The following EYA4 variants were observed in gnomAD, a reference collection of about 807,000 sequenced individuals.
The protein encoded by EYA4 is protein phosphatase EYA4.
A neutral mutation model predicts 87.9 loss-of-function variants in EYA4; 31 were observed. The observed-to-expected ratio is 0.35, with a 90% CI of 0.27 to 0.48. The LOEUF (loss-of-function observed/expected upper bound fraction) is 0.48, where lower values mean the gene tolerates loss of function less well. EYA4 is among the 20% of genes least tolerant of loss of function. The pLI is 0.99. For missense variants in EYA4, 678 were observed against 761.4 expected (o/e 0.89, Z 1.29); for synonymous variants, 263 against 270.6 (o/e 0.97, Z 0.28).
At chr6:133,504,143 C>G (rs539614774) in intron 13 of EYA4, among the ~76,000 whole-genome samples, 63 of 152,300 alleles carry the variant, frequency 4.1e-4, no homozygotes, top group Non-Finnish European at 8.1e-4. Flanking sequence ...GTCTCGAACT[C>G]CTGACCTCAA....
intron 2 of EYA4, among the ~76,000 whole-genome samples, chr6:133,287,939 G>A (rs1043648635): frequency 7.9e-5 from 12 of 152,056 alleles, no homozygotes; most frequent in African/African-American, 2.7e-4. Context: ...GACCAGCCTG[G>A]CCAACATGGT....
chr6:133,462,336 C>G lies in EYA4; in HGVS notation c.439C>G (p.Pro147Ala). ...QYSPQLYPSK[P>A]YPHILSTPAA... Reference sequence around the variant, plus strand: ...TAATGCTATTTTTCTGATATTTAGGCCCTATCCACACATTCTTTCTACACC... The same window carrying G: ...TAATGCTATTTTTCTGATATTTAGGGCCTATCCACACATTCTTTCTACACC... Residue 147 changes from proline (P) to alanine (A), a missense_variant and splice_region_variant, in exon 8 of 20, where the codon CCC (proline) becomes GCC (alanine). By Grantham distance (27) the Pro-to-Ala change is conservative. Transcript: ENST00000355286. 1 of 1,613,902 alleles carries G rather than the reference C, an allele frequency of 6.2e-7. No individual in the cohort carries two copies. Among genetic ancestry groups the G allele is most frequent in the Non-Finnish European group, 8.5e-7 (1 of 1,179,846 alleles).
chr6:133,382,682 A>G (rs1786327338), intron 3 of EYA4, among the ~76,000 whole-genome samples: 1 of 152,156 alleles, frequency 6.6e-6, no homozygotes. Context: ...AATACGTGAA[A>G]AAAAATCCCT....
At chr6:133,453,536 A>G (rs543719234) in intron 5 of EYA4, 2 of 152,186 alleles carry the variant, frequency 1.3e-5, no homozygotes, top group African/African-American at 4.8e-5. Context: ...CTGAAAAAAT[A>G]GTTGTTTATT....
chr6:133,450,538 C>T lies in EYA4; in HGVS notation c.277+2359C>T, dbSNP rs540476332. On this transcript the variant is annotated intron_variant, in intron 5 of 19. Coordinates refer to ENST00000355286, the MANE Select transcript of EYA4 (RefSeq NM_004100.5). ...TATTTATTTAAGATGGAGTCTCACT[C>T]TGTCTACCAGGCTGGAGTGCAGTGG... Among the ~76,000 whole-genome samples, 6 of 152,312 alleles carry T rather than the reference C, an allele frequency of 3.9e-5. No individual in the cohort carries two copies. In the South Asian group the frequency reaches 1.2e-3, roughly 32 times the overall value.
rs116724776 is a variant in EYA4 at position 133,367,128 on chromosome 6, T to C, written c.34-15264T>C. On this transcript the variant is annotated intron_variant, in intron 2 of 19. Coordinates refer to ENST00000355286, the MANE Select transcript of EYA4 (RefSeq NM_004100.5). ...TAGACAAGTAGTCTTACTAAACTGC[T>C]CACCAAGTGCCCCCATAACCTGGAT... is the stretch of plus-strand genomic sequence containing the variant. Among the ~76,000 whole-genome samples, 413 of 152,302 alleles carry C rather than the reference T, an allele frequency of 2.7e-3. 1 individual carries two copies. Among genetic ancestry groups the C allele is most frequent in the African/African-American group, 9.6e-3 (397 of 41,564 alleles).
At chr6:133,300,929 A>T (rs73776021) in intron 2 of EYA4, among the ~76,000 whole-genome samples, 4 of 152,138 alleles carry the variant, frequency 2.6e-5, no homozygotes, top group Admixed American at 2.6e-4. Flanking sequence ...ACTGTATTCT[A>T]TGTGTCCAGT....
At chr6:133,395,509 C>A (rs748494281) in intron 3 of EYA4, among the ~76,000 whole-genome samples, 3 of 152,148 alleles carry the variant, frequency 2.0e-5, no homozygotes, top group Non-Finnish European at 4.4e-5. Flanking sequence ...CCTGTAATCC[C>A]AGCACTTTGG....
chr6:133,402,558 CA>C (rs879310671), intron 3 of EYA4, among the ~76,000 whole-genome samples: 9 of 152,144 alleles, frequency 5.9e-5, no homozygotes, highest in African/African-American at 2.2e-4. Context: ...GTTACCAACA[CA>C]AATGTTGAAA....
intron 3 of EYA4, among the ~76,000 whole-genome samples, chr6:133,402,419 G>T (rs1221695430): frequency 4.6e-5 from 7 of 152,104 alleles, no homozygotes; most frequent in Admixed American, 2.6e-4. Flanking sequence ...TCTAAATACA[G>T]CACTTACCCT....
chr6:133,524,076 G>C (rs935153506), intron 18 of EYA4, among the ~76,000 whole-genome samples: 1 of 152,142 alleles, frequency 6.6e-6, no homozygotes, highest in African/African-American at 2.4e-5. Context: ...AGCTTCCGTA[G>C]AGTAAATTTC....
chr6:133,499,231 TC>T (rs1184940399), intron 13 of EYA4, among the ~76,000 whole-genome samples: 1 of 152,148 alleles, frequency 6.6e-6, no homozygotes, highest in African/African-American at 2.4e-5. Context: ...CCTAGGCATT[TC>T]CTCCTATAGC....
At chr6:133,371,122 GT>G (rs1785234337) in intron 2 of EYA4, among the ~76,000 whole-genome samples, 1 of 152,174 alleles carries the variant, frequency 6.6e-6, no homozygotes, top group Non-Finnish European at 1.5e-5. Flanking sequence ...AACAGCATTT[GT>G]TTTGTTAAAG....
chr6:133,517,140 G>A lies in EYA4; in HGVS notation c.1616+1705G>A, dbSNP rs140857821. 8.8e-3 allele frequency among the ~76,000 whole-genome samples: 1,342 copies of A among 152,184 alleles called. 26 individuals are homozygous for A. The highest frequency in any genetic ancestry group is 0.031 in the African/African-American group (1,279 of 41,524). On this transcript the variant is annotated intron_variant, in intron 17 of 19. Transcript: ENST00000355286. ...CTAATTTACACTCCCACCAAATGCC[G>A]CATGTTCTCACTTACAAGTGAGAGC...
At chr6:133,323,866 G>C (rs1371272864) in intron 2 of EYA4, among the ~76,000 whole-genome samples, 2 of 152,060 alleles carry the variant, frequency 1.3e-5, no homozygotes, top group Non-Finnish European at 2.9e-5. Context: ...GGAAGAAGTA[G>C]TACAAACACA....
intron 14 of EYA4, among the ~76,000 whole-genome samples, chr6:133,512,518 G>A (rs772677505): frequency 6.6e-6 from 1 of 152,030 alleles, no homozygotes; most frequent in Non-Finnish European, 1.5e-5. Flanking sequence ...TCCTTTCTAT[G>A]GAACTCTTCT....
chr6:133,420,282 G>A (rs1424925511), intron 3 of EYA4, among the ~76,000 whole-genome samples: 1 of 152,162 alleles, frequency 6.6e-6, no homozygotes, highest in East Asian at 1.9e-4. Context: ...ACATCCTGGT[G>A]TTAGGCAAAG....
chr6:133,267,632 C>T (rs1205524382), intron 1 of EYA4, among the ~76,000 whole-genome samples: 1 of 152,284 alleles, frequency 6.6e-6, no homozygotes, highest in East Asian at 1.9e-4. Flanking sequence ...ATCCGCCCAC[C>T]TCGGCCTCCC....
rs71771244 is a variant in EYA4 at position 133,294,023 on chromosome 6, TTATATATATATATATATA to T, written c.33+19233_33+19250del. Among the ~76,000 whole-genome samples, 100 of 78,782 alleles carry T rather than the reference TTATATATATATATATATA, an allele frequency of 1.3e-3. 6 individuals are homozygous for T. Among genetic ancestry groups the T allele is most frequent in the Non-Finnish European group, 1.6e-3 (63 of 40,488 alleles). 51.7% of individuals were successfully genotyped at this position (78,782 alleles called of 152,430 possible). On this transcript the variant is annotated intron_variant, in intron 2 of 19. Coordinates refer to ENST00000355286, the MANE Select transcript of EYA4 (RefSeq NM_004100.5). ...AATTCCTGTGCTCCCTAGGGTGATT[TTATATATATATATATATA>T]TATATATATATATATATATATAATT...
Sources: allele counts gnomAD v4.1 joint callset (sites outside exome capture counted in the v4.1 genomes callset), GRCh38; gene constraint gnomAD v4.1.1; transcripts MANE v1.5; gene names NCBI Gene and HGNC (gene_info 2026-07-23, HGNC 2026-07-21).